Variants in SBF2 observed in about 807,000 individuals in gnomAD.
SBF2 encodes SET binding factor 2, also known as myotubularin-related protein 13.
In SBF2, 112 loss-of-function variants were observed where a neutral mutation model predicts 225.2. The observed-to-expected ratio is 0.50, with a 90% confidence interval of 0.43 to 0.58. The LOEUF (loss-of-function observed/expected upper bound fraction) is 0.58, where lower values mean the gene tolerates loss of function less well. Among genes scored for constraint, SBF2 ranks in the 20% least tolerant of loss-of-function variants. The probability of loss-of-function intolerance (pLI) is 0.00; values close to 1 mark genes in which losing one functional copy is unlikely to be tolerated. For missense variants in SBF2, 1,996 were observed against 2,206.2 expected (o/e 0.90, Z 1.91); for synonymous variants, 763 against 773.3 (o/e 0.99, Z 0.22).
intron 1 of SBF2, among the ~76,000 whole-genome samples, chr11:10,253,717 AGTTT>A (rs1380789963): frequency 6.6e-6 from 1 of 152,160 alleles, no homozygotes; most frequent in East Asian, 1.9e-4. Context: ...AGTATAATTT[AGTTT>A]GTCAGTTATT....
rs1448025261 is a variant in SBF2, at chr11:9,999,560, G to T, written c.862-1181C>A. The stretch of plus-strand genomic sequence containing the variant: ...TGGTCTCAAACTCCTGACCTCAGGT[G>T]ATCCGCCTGCCTTGGCCTCCCGAAG... On this transcript the variant is annotated intron_variant, in intron 8 of 39. Coordinates refer to ENST00000256190, the MANE Select transcript of SBF2 (RefSeq NM_030962.4). Among the ~76,000 whole-genome samples the T allele has an allele frequency of 2.0e-5, 3 of 152,186 alleles. No homozygotes were observed. In the East Asian group the frequency reaches 5.8e-4, roughly 29 times the overall value.
chr11:10,091,802 G>A (rs1951794371), intron 2 of SBF2, among the ~76,000 whole-genome samples: 1 of 152,144 alleles, frequency 6.6e-6, no homozygotes. Flanking sequence ...TCCTGCACAA[G>A]GAGATAAAGA....
intron 2 of SBF2, among the ~76,000 whole-genome samples, chr11:10,168,617 G>A (rs1014724887): frequency 6.6e-6 from 1 of 152,172 alleles, no homozygotes; most frequent in African/African-American, 2.4e-5. Flanking sequence ...TGTACCTTCC[G>A]GAAATTTTAA....
intron 16 of SBF2, among the ~76,000 whole-genome samples, chr11:9,941,845 C>A (rs1452354750): frequency 1.3e-5 from 2 of 151,960 alleles, no homozygotes; most frequent in African/African-American, 4.8e-5. Flanking sequence ...ATTCCTATTA[C>A]TGGATGATAT....
intron 2 of SBF2, among the ~76,000 whole-genome samples, chr11:10,080,265 A>T (rs1203377004): frequency 6.6e-6 from 1 of 151,348 alleles, no homozygotes; most frequent in Non-Finnish European, 1.5e-5. Flanking sequence ...AAAAAAAAAA[A>T]AAAAAGTAAA....
intron 6 of SBF2, among the ~76,000 whole-genome samples, chr11:10,019,326 G>A (rs932699058): frequency 4.6e-5 from 7 of 152,174 alleles, no homozygotes; most frequent in African/African-American, 1.4e-4. Flanking sequence ...CATGGTACAC[G>A]TGGTAAGCAG....
At chr11:10,290,216 CT>C (rs1441145236) in intron 1 of SBF2, among the ~76,000 whole-genome samples, 1 of 151,888 alleles carries the variant, frequency 6.6e-6, no homozygotes, top group Non-Finnish European at 1.5e-5. Flanking sequence ...AGGTGGATCC[CT>C]GGGGTGGAGC....
intron 1 of SBF2, among the ~76,000 whole-genome samples, chr11:10,203,372 G>A (rs2135360613): frequency 6.6e-6 from 1 of 152,292 alleles, no homozygotes; most frequent in East Asian, 1.9e-4. Context: ...AGAACCCAGA[G>A]GGTATTATTG....
At chr11:10,057,180 G>A (rs1373124043) in intron 2 of SBF2, among the ~76,000 whole-genome samples, 1 of 151,730 alleles carries the variant, frequency 6.6e-6, no homozygotes, top group Non-Finnish European at 1.5e-5. Context: ...GCAGCCCTAT[G>A]GAAAAGTGGC....
chr11:9,884,666 A>G (rs1860110230), intron 17 of SBF2, among the ~76,000 whole-genome samples: 1 of 152,148 alleles, frequency 6.6e-6, no homozygotes, highest in African/African-American at 2.4e-5. Context: ...TGCACAAAAT[A>G]CTCATGCTGA....
At chr11:10,169,092 T>C (rs921521250) in intron 2 of SBF2, among the ~76,000 whole-genome samples, 2 of 152,166 alleles carry the variant, frequency 1.3e-5, no homozygotes, top group Non-Finnish European at 2.9e-5. Flanking sequence ...ATTTATCAGG[T>C]ACATGAAATA....
intron 2 of SBF2, among the ~76,000 whole-genome samples, chr11:10,187,372 G>C (rs1283418274): frequency 6.6e-6 from 1 of 151,508 alleles, no homozygotes; most frequent in Admixed American, 6.6e-5. Flanking sequence ...TACTTGGAGG[G>C]CTTGCTGAAA....
At chr11:10,244,611 CA>C (rs1959582897) in intron 1 of SBF2, among the ~76,000 whole-genome samples, 1 of 152,008 alleles carries the variant, frequency 6.6e-6, no homozygotes, top group African/African-American at 2.4e-5. Context: ...TTTTTGGTAC[CA>C]TACGAATTTT....
chr11:9,850,274 G>A, intron 21 of SBF2, 56 bp from the exon 22 acceptor site: 1 of 1,542,092 alleles, frequency 6.5e-7, no homozygotes, highest in Non-Finnish European at 8.9e-7. Flanking sequence ...TTGATTTTTG[G>A]AGACAGGGTC....
intron 16 of SBF2, among the ~76,000 whole-genome samples, chr11:9,909,318 C>CTT (rs139103372): frequency 1.5e-4 from 22 of 148,616 alleles, no homozygotes; most frequent in Non-Finnish European, 1.5e-4. Context: ...TACTTTCTCT[C>CTT]TTTTTTTTTT....
At chr11:9,832,815 GA>G (rs1454778585) in intron 26 of SBF2, among the ~76,000 whole-genome samples, 14 of 152,162 alleles carry the variant, frequency 9.2e-5, no homozygotes, top group African/African-American at 3.4e-4. Flanking sequence ...CCTAGATGGT[GA>G]AAATAGCTAA....
intron 6 of SBF2, among the ~76,000 whole-genome samples, chr11:10,025,626 GT>G (rs571403022): frequency 6.6e-4 from 100 of 152,162 alleles, no homozygotes; most frequent in African/African-American, 2.3e-3. Context: ...TTGGGACAGG[GT>G]TTCACTCTGT....
intron 2 of SBF2, among the ~76,000 whole-genome samples, chr11:10,057,775 G>A (rs1167676730): frequency 1.3e-5 from 2 of 152,138 alleles, no homozygotes; most frequent in Non-Finnish European, 2.9e-5. Context: ...AGCACTGAGA[G>A]GGAACATGGC....
chr11:10,177,711 G>T (rs990262702), intron 2 of SBF2, among the ~76,000 whole-genome samples: 3 of 151,906 alleles, frequency 2.0e-5, no homozygotes, highest in African/African-American at 7.3e-5. Context: ...ATAAATGGAA[G>T]AACATTCCAT....
Sources: allele counts gnomAD v4.1 joint callset (sites outside exome capture counted in the v4.1 genomes callset), GRCh38; gene constraint gnomAD v4.1.1; transcripts MANE v1.5; gene names NCBI Gene and HGNC (gene_info 2026-07-23, HGNC 2026-07-21).